MAST4: variants seen among roughly 807,000 people sequenced by gnomAD.
MAST4 encodes the protein microtubule associated serine/threonine kinase family member 4.
Under a neutral mutation model 162.7 loss-of-function variants are expected in MAST4, and 89 were observed. That is an observed-to-expected ratio of 0.55 (90% CI 0.46 to 0.65). The LOEUF is 0.65. Among genes scored for constraint, MAST4 ranks in the 30% least tolerant of loss-of-function variants. MAST4 has a pLI of 0.00. For missense variants in MAST4, 3,153 were observed against 3,374.0 expected, an observed-to-expected ratio of 0.93 and a Z score of 1.62; for synonymous variants, 1,479 against 1,361.1, an observed-to-expected ratio of 1.09 and a Z score of -1.91.
At position 66,639,859 on chromosome 5, in the gene MAST4, CGT is replaced by C. The variant is rs1270599686; in HGVS notation, c.363+42844_363+42845del. Among the ~76,000 whole-genome samples the C allele has an allele frequency of 2.0e-5, 3 of 152,026 alleles. No homozygotes were observed. In the East Asian group the frequency reaches 5.8e-4, roughly 29 times the overall value. On this transcript the variant is annotated intron_variant, in intron 1 of 28. Coordinates refer to ENST00000403625, the MANE Select transcript of MAST4 (RefSeq NM_001164664.2). ...TATTGTATATATTTAAAGCACATGACGTGTTTTTATATTCATAGTGAAATCAT... is the reference window on the plus strand; with the variant it reads ...TATTGTATATATTTAAAGCACATGACGTTTTTATATTCATAGTGAAATCAT...
At chr5:66,771,795 T>C (rs1229370761) in intron 2 of MAST4, among the ~76,000 whole-genome samples, 1 of 152,104 alleles carries the variant, frequency 6.6e-6, no homozygotes, top group African/African-American at 2.4e-5. Flanking sequence ...TGTTGAGCTT[T>C]TTGGATGAGG....
intron 4 of MAST4, among the ~76,000 whole-genome samples, chr5:66,928,772 A>G (rs887035935): frequency 1.3e-5 from 2 of 152,188 alleles, no homozygotes; most frequent in Non-Finnish European, 2.9e-5. Flanking sequence ...TTCTTTTTCC[A>G]TGTTGAGTGC....
chr5:67,001,103 A>G (rs1751246184), intron 4 of MAST4, among the ~76,000 whole-genome samples: 1 of 152,234 alleles, frequency 6.6e-6, no homozygotes, highest in Admixed American at 6.5e-5. Flanking sequence ...AAGAATTTCC[A>G]GTAATCTCAG....
chr5:67,050,936 G>A (rs77446664), intron 4 of MAST4, among the ~76,000 whole-genome samples: 2,584 of 152,286 alleles, frequency 0.017, 86 homozygotes, highest in African/African-American at 0.059. Flanking sequence ...TCTAGCTGTT[G>A]AAGAATGAAG....
chr5:66,652,610 G>A (rs1746301130), intron 1 of MAST4, among the ~76,000 whole-genome samples: 1 of 152,114 alleles, frequency 6.6e-6, no homozygotes, highest in Non-Finnish European at 1.5e-5. Context: ...CTAAGAAATA[G>A]AATTCAATCT....
chr5:66,640,918 A>G (rs567297220), intron 1 of MAST4, among the ~76,000 whole-genome samples: 1 of 152,178 alleles, frequency 6.6e-6, no homozygotes, highest in South Asian at 2.1e-4. Flanking sequence ...GATAATAGCC[A>G]TCCTAAGATG....
intron 4 of MAST4, among the ~76,000 whole-genome samples, chr5:67,008,709 A>G (rs181146832): frequency 6.6e-6 from 1 of 152,338 alleles, no homozygotes; most frequent in Admixed American, 6.5e-5. Flanking sequence ...GCAAGTTTCC[A>G]AATGTCTTTT....
intron 3 of MAST4, among the ~76,000 whole-genome samples, chr5:66,899,470 G>A (rs1238815570): frequency 1.3e-5 from 2 of 149,442 alleles, no homozygotes; most frequent in Admixed American, 6.6e-5. Flanking sequence ...TTTAAAAATA[G>A]GAAGTACAAT....
Position 66,709,138 on chromosome 5 carries a change from A to T in MAST4, c.364-50571A>T, listed in dbSNP as rs371319550. On this transcript the variant is annotated intron_variant, in intron 1 of 28. Transcript: ENST00000403625. Reference sequence around the variant, plus strand: ...ATTAATTTTTCCTTCTTCTGTTGAAATTATGAAATATTACACATTTCCAGG... The same window carrying T: ...ATTAATTTTTCCTTCTTCTGTTGAATTTATGAAATATTACACATTTCCAGG... Among the ~76,000 whole-genome samples the T allele has an allele frequency of 1.8e-3, 273 of 152,248 alleles. 1 individual carries two copies. The highest frequency in any genetic ancestry group is 6.2e-3 in the African/African-American group (256 of 41,546).
intron 3 of MAST4, among the ~76,000 whole-genome samples, chr5:66,836,300 T>C (rs1330383431): frequency 1.3e-5 from 2 of 152,114 alleles, no homozygotes. Context: ...ATGCATTATA[T>C]GTTGGTGAGG....
At chr5:66,963,610 GA>G in intron 4 of MAST4, 1 of 732,498 alleles carries the variant, frequency 1.4e-6, no homozygotes, top group Non-Finnish European at 2.5e-6. Flanking sequence ...TTGCCATAGT[GA>G]TTCTGGCCTA....
chr5:66,758,196 G>C (rs1467555329), intron 1 of MAST4, among the ~76,000 whole-genome samples: 1 of 151,874 alleles, frequency 6.6e-6, no homozygotes, highest in Non-Finnish European at 1.5e-5. Context: ...GTGTGAGATG[G>C]TACTTACAGA....
intron 10 of MAST4, among the ~76,000 whole-genome samples, chr5:67,105,953 C>G (rs1765548495): frequency 1.3e-5 from 2 of 152,166 alleles, no homozygotes; most frequent in African/African-American, 4.8e-5. Context: ...TCTGATACCC[C>G]TCAACTCACT....
intron 3 of MAST4, among the ~76,000 whole-genome samples, chr5:66,796,143 A>C (rs1755636059): frequency 6.6e-6 from 1 of 152,194 alleles, no homozygotes; most frequent in Non-Finnish European, 1.5e-5. Context: ...CTGTAAATCA[A>C]AGATCAGCTT....
intron 3 of MAST4, among the ~76,000 whole-genome samples, chr5:66,864,581 A>G (rs1380839458): frequency 1.3e-5 from 2 of 152,136 alleles, no homozygotes; most frequent in African/African-American, 2.4e-5. Context: ...AAGTAACGGA[A>G]GAGAGATATG....
intron 3 of MAST4, among the ~76,000 whole-genome samples, chr5:66,853,149 C>T (rs1254631103): frequency 6.6e-6 from 1 of 152,108 alleles, no homozygotes; most frequent in East Asian, 1.9e-4. Flanking sequence ...AACTTTTGTT[C>T]AAGTCATGTT....
chr5:67,092,014 A>G (rs1175481653), intron 6 of MAST4, among the ~76,000 whole-genome samples: 1 of 152,156 alleles, frequency 6.6e-6, no homozygotes, highest in Non-Finnish European at 1.5e-5. Flanking sequence ...GAAAACTCAA[A>G]TTGGTGTATT....
chr5:67,058,382 A>G (rs1277023967), intron 5 of MAST4, among the ~76,000 whole-genome samples: 1 of 152,224 alleles, frequency 6.6e-6, no homozygotes, highest in African/African-American at 2.4e-5. Flanking sequence ...TGAATATTTC[A>G]AATGTGTTTA....
At chr5:66,681,017 A>G (rs1320229639) in intron 1 of MAST4, among the ~76,000 whole-genome samples, 1 of 152,158 alleles carries the variant, frequency 6.6e-6, no homozygotes, top group Non-Finnish European at 1.5e-5. Flanking sequence ...GCAGAGTATG[A>G]TTCCACTCCA....
Sources: gnomAD v4.1 joint callset for allele counts (sites outside exome capture counted in the v4.1 genomes callset) on GRCh38, gnomAD v4.1.1 for gene constraint, MANE v1.5 for transcripts, NCBI Gene and HGNC (gene_info 2026-07-23, HGNC 2026-07-21) for gene names.